DCAF5: variants seen among roughly 807,000 people sequenced by gnomAD.
DCAF5 encodes the protein DDB1 and CUL4 associated factor 5.
Under a neutral mutation model 80.7 loss-of-function variants are expected in DCAF5, and 9 were observed. That is an observed-to-expected ratio of 0.11 (90% CI 0.07 to 0.19). DCAF5 has a LOEUF of 0.19. DCAF5 is among the 10% of genes least tolerant of loss of function. DCAF5 has a pLI of 1.00. For missense variants in DCAF5, 842 were observed against 1,205.7 expected (o/e 0.70, Z 4.47); for synonymous variants, 433 against 461.9 (o/e 0.94, Z 0.80).
chr14:69,145,660 T>C (rs1174349318), intron 1 of DCAF5, among the ~76,000 whole-genome samples: 1 of 129,488 alleles, frequency 7.7e-6, no homozygotes, highest in Non-Finnish European at 1.6e-5. Context: ...AGTTATTTTA[T>C]AAGAATATTT....
chr14:69,137,032 ACTT>A (rs952998046), intron 1 of DCAF5, among the ~76,000 whole-genome samples: 13 of 152,304 alleles, frequency 8.5e-5, no homozygotes, highest in Admixed American at 5.9e-4. Context: ...AAGTGGAATT[ACTT>A]CTTTTTTCCT....
At chr14:69,134,548 A>T (rs2041133574) in intron 1 of DCAF5, among the ~76,000 whole-genome samples, 1 of 152,230 alleles carries the variant, frequency 6.6e-6, no homozygotes, top group South Asian at 2.1e-4. Flanking sequence ...ATACATCCAG[A>T]TGCAAACAGG....
rs774739152 is a variant in DCAF5, at chr14:69,054,924, G to A, written c.1762C>T (p.Arg588Trp). 13 of 1,614,114 alleles carry A rather than the reference G, an allele frequency of 8.1e-6. No homozygotes were observed. Among genetic ancestry groups the A allele is most frequent in the Middle Eastern group, 1.6e-4 (1 of 6,084 alleles). Residue 588 changes from arginine (R) to tryptophan (W), a missense_variant, in exon 9 of 9, where the codon CGG (arginine) becomes TGG (tryptophan). Transcript: ENST00000341516. ...TCTCGGGTTGTCTTCTGTCGGCGCC[G>A]CATGGCATTCCGCTGCCAGGTAGAG... is the stretch of plus-strand genomic sequence containing the variant. ...RASTWQRNAM[R>W]RRQKTTREDK...
At chr14:69,074,985 G>C (rs575051722) in intron 7 of DCAF5, among the ~76,000 whole-genome samples, 1 of 150,930 alleles carries the variant, frequency 6.6e-6, no homozygotes, top group East Asian at 1.9e-4. Flanking sequence ...AGTGAGCCAA[G>C]ATCACACCAG....
intron 5 of DCAF5, among the ~76,000 whole-genome samples, chr14:69,100,062 A>C (rs1009775948): frequency 1.3e-5 from 2 of 152,256 alleles, no homozygotes; most frequent in Non-Finnish European, 2.9e-5. Context: ...CAGTGAATTC[A>C]GCAGGTATTA....
intron 7 of DCAF5, among the ~76,000 whole-genome samples, chr14:69,067,569 T>C (rs1419408075): frequency 6.6e-6 from 1 of 151,946 alleles, no homozygotes; most frequent in African/African-American, 2.4e-5. Flanking sequence ...GGTCTCAAAC[T>C]CTTGGGCTCA....
chr14:69,149,398 T>C (rs574402411), intron 1 of DCAF5: 2 of 152,370 alleles, frequency 1.3e-5, no homozygotes, highest in Admixed American at 6.5e-5. Context: ...TCTCCACTTG[T>C]TGCTGTCATA....
chr14:69,071,396 C>A (rs531170859), intron 7 of DCAF5, among the ~76,000 whole-genome samples: 67 of 152,184 alleles, frequency 4.4e-4, no homozygotes, highest in Admixed American at 2.7e-3. Flanking sequence ...ACACTCAGGA[C>A]CACTCTCCAT....
chr14:69,054,492 T>C lies in DCAF5; in HGVS notation c.2194A>G (p.Thr732Ala). 1 of 1,614,148 alleles carries C rather than the reference T, an allele frequency of 6.2e-7. No individual in the cohort carries two copies. Among genetic ancestry groups the C allele is most frequent in the Non-Finnish European group, 8.5e-7 (1 of 1,180,022 alleles). The change falls in exon 9 of 9, where the codon ACT (threonine) becomes GCT (alanine). Residue 732 changes from threonine to alanine, a missense_variant. Coordinates refer to ENST00000341516, the MANE Select transcript of DCAF5 (RefSeq NM_003861.3). ...GTTCTAGGAGTCTCTTCTTTAAAAG[T>C]GTCCTTGCTGCAGCCTTCAGGTGGC... Reference protein sequence around the residue: ...DLPPEGCSKDTFKEETPRTPS... With the variant: ...DLPPEGCSKDAFKEETPRTPS...
At chr14:69,068,698 C>CA (rs201955188) in intron 7 of DCAF5, among the ~76,000 whole-genome samples, 3,925 of 67,644 alleles carry the variant, frequency 0.058, 111 homozygotes, top group African/African-American at 0.1. Flanking sequence ...AACTCCATCT[C>CA]AAAAAAAAAA....
intron 5 of DCAF5, among the ~76,000 whole-genome samples, chr14:69,102,163 C>A (rs1002713178): frequency 6.9e-6 from 1 of 145,010 alleles, no homozygotes; most frequent in Non-Finnish European, 1.5e-5. Flanking sequence ...GGCTGGAGTG[C>A]AGTGGTGTGA....
chr14:69,053,623 T>A lies in DCAF5; in HGVS notation c.*234A>T. On this transcript the variant is annotated 3_prime_UTR_variant, in exon 9 of 9. Coordinates refer to ENST00000341516, the MANE Select transcript of DCAF5 (RefSeq NM_003861.3). ...ACGCTCACGTCTCACTAGAAAGGAG[T>A]CACTTGGGTTATTTTTTTTTCCCCT... 3 of 477,828 alleles carry A rather than the reference T, an allele frequency of 6.3e-6. No individual in the cohort carries two copies. Among genetic ancestry groups the A allele is most frequent in the South Asian group, 6.0e-5 (2 of 33,346 alleles). The allele number at this position is 477,828 out of a possible 1,614,324, so 29.6% of individuals were successfully genotyped here.
intron 1 of DCAF5, among the ~76,000 whole-genome samples, chr14:69,123,802 G>A (rs1448667318): frequency 6.6e-5 from 10 of 152,056 alleles, no homozygotes; most frequent in African/African-American, 1.9e-4. Flanking sequence ...AGGTTCAAGC[G>A]ATTCTCCTGC....
chr14:69,089,837 G>T, intron 6 of DCAF5: 1 of 721,382 alleles, frequency 1.4e-6, no homozygotes, highest in Non-Finnish European at 1.7e-6. Flanking sequence ...GAAGAGGCTA[G>T]GGATACTGCT....
chr14:69,104,034 A>G (rs1325221180), intron 5 of DCAF5, among the ~76,000 whole-genome samples: 1 of 152,202 alleles, frequency 6.6e-6, no homozygotes, highest in Non-Finnish European at 1.5e-5. Flanking sequence ...TTTTGGTTAT[A>G]AGGAATAAAG....
intron 1 of DCAF5, among the ~76,000 whole-genome samples, chr14:69,148,805 G>A (rs1262476860): frequency 1.3e-5 from 2 of 152,158 alleles, no homozygotes; most frequent in African/African-American, 2.4e-5. Flanking sequence ...ACCAGTGAGG[G>A]CAATCTGTTA....
At chr14:69,095,042 A>ATGGTCTC (rs2039655875) in intron 5 of DCAF5, among the ~76,000 whole-genome samples, 1 of 152,206 alleles carries the variant, frequency 6.6e-6, no homozygotes, top group Non-Finnish European at 1.5e-5. Context: ...GGCACTTTTT[A>ATGGTCTC]TGGTCTCATG....
intron 5 of DCAF5, among the ~76,000 whole-genome samples, chr14:69,110,876 CAAAAAAAAAAAAAAAAA>C (rs35812611): frequency 4.4e-5 from 2 of 45,502 alleles, no homozygotes; most frequent in African/African-American, 1.0e-4. Flanking sequence ...GACCCTGTCT[CAAAAAAAAAAAAAAAAA>C]AAAAAAAAAA....
At chr14:69,136,511 T>C (rs2041200879) in intron 1 of DCAF5, among the ~76,000 whole-genome samples, 1 of 152,188 alleles carries the variant, frequency 6.6e-6, no homozygotes, top group Non-Finnish European at 1.5e-5. Context: ...TTTGAGAAAA[T>C]GTAACAATGA....
Sources: allele counts gnomAD v4.1 joint callset (sites outside exome capture counted in the v4.1 genomes callset), GRCh38; gene constraint gnomAD v4.1.1; transcripts MANE v1.5; gene names NCBI Gene and HGNC (gene_info 2026-07-23, HGNC 2026-07-21).